Variants in SH3D19 observed in about 807,000 individuals in gnomAD.
The protein encoded by SH3D19 is SH3 domain-containing protein 19.
A neutral mutation model predicts 112.1 loss-of-function variants in SH3D19; 58 were observed. The observed-to-expected ratio is 0.52, with a 90% CI of 0.42 to 0.64. The LOEUF (loss-of-function observed/expected upper bound fraction) is 0.64. SH3D19 is among the 30% of genes least tolerant of loss of function. The pLI is 0.00. For synonymous variants in SH3D19, 391 were observed against 448.5 expected (o/e 0.87, Z 1.62); for missense variants, 1,090 against 1,263.4 (o/e 0.86, Z 2.08).
At position 151,121,794 on chromosome 4, in the gene SH3D19, G is replaced by C; in HGVS notation, c.*297C>G. 1 of 238,100 alleles carries C rather than the reference G, an allele frequency of 4.2e-6. No homozygotes were observed. The highest frequency in any genetic ancestry group is 8.0e-6 in the Non-Finnish European group (1 of 125,136). The allele number at this position is 238,100 out of a possible 1,614,324, so 14.7% of individuals were successfully genotyped here. On this transcript the variant is annotated 3_prime_UTR_variant, in exon 20 of 20. Transcript: ENST00000604030. ...AAACAGATGTCCACGTGCAACTTCTGTGTGTGAGCCTCCCCATGCTGCCAT... is the reference window on the plus strand; with the variant it reads ...AAACAGATGTCCACGTGCAACTTCTCTGTGTGAGCCTCCCCATGCTGCCAT...
Position 151,325,218 on chromosome 4 carries a change from G to A in SH3D19, c.112+23C>T, listed in dbSNP as rs1203188361. On this transcript the variant is annotated intron_variant, in intron 1 of 19. Coordinates refer to ENST00000604030, the MANE Select transcript of SH3D19 (RefSeq NM_001378122.1). The stretch of plus-strand genomic sequence containing the variant: ...GAGCGCGCAGCTCTGGGTCCCCGCC[G>A]CCCCGTCCCCCGCGCCTCTCACCTG... The A allele has an allele frequency of 1.3e-5, 15 of 1,196,804 alleles. 1 individual carries two copies. The South Asian group carries it at 5.1e-4, about 41-fold the overall frequency. 74.1% of individuals were successfully genotyped at this position (1,196,804 alleles called of 1,614,324 possible).
intron 12 of SH3D19, among the ~76,000 whole-genome samples, chr4:151,143,109 C>T (rs780534678): frequency 2.6e-5 from 4 of 151,818 alleles, no homozygotes; most frequent in African/African-American, 7.3e-5. Context: ...TGGTGGTGCA[C>T]GCCTGTAGTC....
chr4:151,208,393 G>T (rs1289530050), intron 2 of SH3D19, among the ~76,000 whole-genome samples: 2 of 151,932 alleles, frequency 1.3e-5, no homozygotes, highest in African/African-American at 4.8e-5. Context: ...TTTTAAAGAT[G>T]GAGTTTCACT....
intron 1 of SH3D19, among the ~76,000 whole-genome samples, chr4:151,312,353 T>C (rs1333837032): frequency 6.6e-6 from 1 of 152,230 alleles, no homozygotes; most frequent in African/African-American, 2.4e-5. Flanking sequence ...TTAAATAGGA[T>C]ACTAAGGCAG....
chr4:151,165,576 G>C lies in SH3D19; in HGVS notation c.1642+13C>G, dbSNP rs1250525359. On this transcript the variant is annotated intron_variant, in intron 8 of 19. Transcript: ENST00000604030. ...CTTGAAGAAGCTAATAAAGAAAGCA[G>C]AGAAGTGCTTACATTTTCCTGGTTT... The C allele has an allele frequency of 1.9e-6, 3 of 1,598,474 alleles. No homozygotes were observed. The highest frequency in any genetic ancestry group is 2.6e-6 in the Non-Finnish European group (3 of 1,166,324).
At chr4:151,214,631 G>A (rs1212286762) in intron 2 of SH3D19, among the ~76,000 whole-genome samples, 2 of 43,638 alleles carry the variant, frequency 4.6e-5, no homozygotes, top group Non-Finnish European at 1.3e-4. Context: ...GGCCGGGCGG[G>A]GGGCTGACCC....
At chr4:151,131,647 C>T (rs1011038593) in intron 17 of SH3D19, among the ~76,000 whole-genome samples, 4 of 151,920 alleles carry the variant, frequency 2.6e-5, no homozygotes, top group Non-Finnish European at 4.4e-5. Flanking sequence ...TCACCACACC[C>T]GGCTGATTTT....
chr4:151,232,517 T>C (rs931884741), intron 1 of SH3D19, among the ~76,000 whole-genome samples: 1 of 152,142 alleles, frequency 6.6e-6, no homozygotes, highest in Admixed American at 6.5e-5. Context: ...TATTAACTAG[T>C]TGTAGCAAAT....
intron 9 of SH3D19, among the ~76,000 whole-genome samples, chr4:151,153,956 A>AACTATTTCT (rs397767215): frequency 6.7e-6 from 1 of 149,804 alleles, no homozygotes; most frequent in African/African-American, 2.5e-5. Context: ...TAATAATACT[A>AACTATTTCT]TTTCTTTTCT....
chr4:151,176,406 T>C, intron 6 of SH3D19, 128 bp downstream of exon 6: 1 of 640,970 alleles, frequency 1.6e-6, no homozygotes, highest in South Asian at 8.5e-5. Context: ...CACACAGTGA[T>C]CACACTGACT....
intron 3 of SH3D19, among the ~76,000 whole-genome samples, chr4:151,183,911 T>C (rs1243003331): frequency 6.6e-6 from 1 of 152,224 alleles, no homozygotes; most frequent in Non-Finnish European, 1.5e-5. Flanking sequence ...TTAACCTTTC[T>C]GGGACTCAGT....
intron 1 of SH3D19, among the ~76,000 whole-genome samples, chr4:151,315,596 C>G (rs1248169430): frequency 6.6e-6 from 1 of 152,178 alleles, no homozygotes; most frequent in East Asian, 1.9e-4. Flanking sequence ...CATTCTCCAA[C>G]AGGTGGGGCC....
At chr4:151,218,929 G>T (rs944886409) in intron 2 of SH3D19, among the ~76,000 whole-genome samples, 5 of 152,138 alleles carry the variant, frequency 3.3e-5, no homozygotes, top group Non-Finnish European at 5.9e-5. Context: ...TGGCAGGCCA[G>T]ATTTGACCCA....
rs1751092662 is a variant in SH3D19 at position 151,133,159 on chromosome 4, A to C, written c.2564T>G (p.Ile855Ser). The change falls in exon 16 of 20, where the codon ATT becomes AGT. Residue 855 changes from isoleucine to serine, a missense_variant. Physicochemically the swap from Ile to Ser is moderately radical, Grantham distance 142 (BLOSUM62 -2). Coordinates refer to ENST00000604030, the MANE Select transcript of SH3D19 (RefSeq NM_001378122.1). ...CTCATTCACATACTCTTTAAGAATAATAATTTCTCCCTCTGAGAAACTCAA... is the reference window on the plus strand; with the variant it reads ...CTCATTCACATACTCTTTAAGAATACTAATTTCTCCCTCTGAGAAACTCAA... ...DELSFSEGEI[I>S]ILKEYVNEEW... is the part of the protein sequence containing the mutation. 6.2e-7 allele frequency: 1 copy of C among 1,614,076 alleles called. No individual in the cohort carries two copies. The highest frequency in any genetic ancestry group is 1.7e-5 in the Admixed American group (1 of 60,012).
chr4:151,139,686 AG>A, intron 13 of SH3D19, 88 bp downstream of exon 13: 2 of 1,136,226 alleles, frequency 1.8e-6, no homozygotes, highest in Non-Finnish European at 2.6e-6. Context: ...AAAATGAAGA[AG>A]GATGTCCTTG....
In SH3D19 at chr4:151,162,410, C is replaced by T. The variant is rs539875829; in HGVS notation, c.1643-3058G>A. 2.7e-4 allele frequency among the ~76,000 whole-genome samples: 40 copies of T among 150,852 alleles called. 1 individual carries two copies. Among genetic ancestry groups the T allele is most frequent in the Admixed American group, 1.8e-3 (28 of 15,164 alleles). On this transcript the variant is annotated intron_variant, in intron 8 of 19. Coordinates refer to ENST00000604030, the MANE Select transcript of SH3D19 (RefSeq NM_001378122.1). ...TTCACCATGTTGGCCAGGCTGGTCT[C>T]GAACTCCTAGAATTCAATTTTCTAC...
In SH3D19 at chr4:151,299,899, G is replaced by A. The variant is rs547930882; in HGVS notation, c.112+25342C>T. ...TAAACTTCTAAAAACAGGTTGCAGC[G>A]AAAGAAATAAAACCAATGTCGGCCG... On this transcript the variant is annotated intron_variant, in intron 1 of 19. Transcript: ENST00000604030. Among the ~76,000 whole-genome samples, 151 of 152,144 alleles carry A rather than the reference G, an allele frequency of 9.9e-4. 1 individual carries two copies. The highest frequency in any genetic ancestry group is 3.5e-3 in the African/African-American group (144 of 41,508).
intron 11 of SH3D19, among the ~76,000 whole-genome samples, chr4:151,146,963 C>T (rs531287154): frequency 5.9e-5 from 9 of 152,128 alleles, no homozygotes; most frequent in South Asian, 2.1e-4. Flanking sequence ...AAATGGACCA[C>T]GATAATTATT....
At position 151,143,990 on chromosome 4, in the gene SH3D19, C is replaced by T. The variant is rs761269825; in HGVS notation, c.2143G>A (p.Gly715Arg). The T allele has an allele frequency of 1.8e-5, 29 of 1,613,944 alleles. No homozygotes were observed. Among genetic ancestry groups the T allele is most frequent in the Non-Finnish European group, 2.2e-5 (26 of 1,180,004 alleles). The change falls in exon 12 of 20, where the codon GGA (glycine) becomes AGA (arginine). Residue 715 changes from glycine to arginine, a missense_variant. Physicochemically the swap from Gly to Arg is moderately radical, Grantham distance 125. Coordinates refer to ENST00000604030, the MANE Select transcript of SH3D19 (RefSeq NM_001378122.1). The part of the protein sequence containing the change: ...TENNYLECQK[G>R]EDTGRVHLSQ... Reference sequence around the variant, plus strand: ...AGGTGAACTCTGCCAGTGTCTTCTCCCTTTTGGCACTCCAAGTAATTATTT... The same window carrying T: ...AGGTGAACTCTGCCAGTGTCTTCTCTCTTTTGGCACTCCAAGTAATTATTT...
Sources: allele counts gnomAD v4.1 joint callset (sites outside exome capture counted in the v4.1 genomes callset), GRCh38; gene constraint gnomAD v4.1.1; transcripts MANE v1.5; gene names NCBI Gene and HGNC (gene_info 2026-07-23, HGNC 2026-07-21).